Variants in MIB1 observed in about 807,000 individuals in gnomAD.
MIB1 encodes the protein E3 ubiquitin-protein ligase MIB1.
In MIB1, 278 loss-of-function variants were observed where a neutral mutation model predicts 124.5. The ratio of observed to expected loss-of-function variants is 2.23; its 90% CI spans 2.02 to 2.47. The LOEUF is 2.47. Ranked by LOEUF, MIB1 falls within the 30% of genes most tolerant of loss-of-function variation. The pLI, the probability that MIB1 is intolerant of heterozygous loss-of-function variation, is 0.00. For synonymous variants in MIB1, 446 were observed against 429.4 expected (o/e 1.04, Z -0.48); for missense variants, 957 against 1,254.4 (o/e 0.76, Z 3.58).
intron 10 of MIB1, chr18:21,812,251 A>C (rs1334746427): frequency 1.3e-5 from 2 of 152,144 alleles, no homozygotes; most frequent in Non-Finnish European, 2.9e-5. Context: ...ATAAGTTGAT[A>C]AGTTGGAGCC....
chr18:21,865,906 A>AAAAACAAACAAAC lies in MIB1; in HGVS notation c.*1252_*1253insCAAAACAAACAAA, dbSNP rs1426158013. 4.6e-3 allele frequency: 1 copy of AAAAACAAACAAAC among 216 alleles called. No individual in the cohort carries two copies. Among genetic ancestry groups the AAAAACAAACAAAC allele is most frequent in the African/African-American group, 6.5e-3 (1 of 154 alleles). The allele number at this position is 216 out of a possible 1,614,324, so 0.0% of individuals were successfully genotyped here. A position where few individuals can be genotyped will look rare whatever the true frequency, so the allele number is the denominator to read the frequency against. On this transcript the variant is annotated 3_prime_UTR_variant, in exon 21 of 21. Transcript: ENST00000261537. The stretch of plus-strand genomic sequence containing the variant: ...AAATGTCTGCTTACCTGTAGACTTT[A>AAAAACAAACAAAC]AAAACAAACAAAATTTTTGGAGCAT...
intron 1 of MIB1, among the ~76,000 whole-genome samples, chr18:21,764,482 T>A (rs2041133109): frequency 1.3e-5 from 2 of 152,212 alleles, no homozygotes; most frequent in Non-Finnish European, 2.9e-5. Flanking sequence ...ATATGTAGCA[T>A]GTTACTTGAT....
At chr18:21,725,586 C>G (rs2040737955) in intron 1 of MIB1, among the ~76,000 whole-genome samples, 1 of 152,216 alleles carries the variant, frequency 6.6e-6, no homozygotes, top group South Asian at 2.1e-4. Context: ...TTACCTTCCT[C>G]TAAGGTAACT....
Position 21,864,623 on chromosome 18 carries a change from C to T in MIB1, c.2978C>T (p.Pro993Leu). 1.2e-6 allele frequency: 2 copies of T among 1,613,798 alleles called. No homozygotes were observed. The highest frequency in any genetic ancestry group is 1.7e-6 in the Non-Finnish European group (2 of 1,179,750). The change falls in exon 21 of 21, where the codon CCT becomes CTT. Residue 993 changes from proline to leucine, a missense_variant. Physicochemically the swap from Pro to Leu is moderately conservative, Grantham distance 98 (BLOSUM62 -3). Coordinates refer to ENST00000261537, the MANE Select transcript of MIB1 (RefSeq NM_020774.4). ...TGTGGAGACCGCATGAGTGAATGTC[C>T]TATCTGTCGCAAGGCTATTGAACGA... ...QLCGDRMSEC[P>L]ICRKAIERRI... is the part of the protein sequence containing the mutation.
rs747233793 is a variant in MIB1 at position 21,838,468 on chromosome 18, G to A, written c.1933G>A (p.Val645Ile). 9.9e-6 allele frequency: 16 copies of A among 1,608,686 alleles called. 1 individual carries two copies. The highest frequency in any genetic ancestry group is 1.6e-4 in the Middle Eastern group (1 of 6,068). The stretch of plus-strand genomic sequence containing the variant: ...ACATCTGGCTGCCCTTAATAATCAC[G>A]TAGAAGTGGCTGAACTGTTGGTACA... ...ALHLAALNNH[V>I]EVAELLVHQG... Residue 645 changes from valine to isoleucine, a missense_variant, in exon 13 of 21, where the codon GTA becomes ATA. Coordinates refer to ENST00000261537, the MANE Select transcript of MIB1 (RefSeq NM_020774.4).
At position 21,859,886 on chromosome 18, in the gene MIB1, CAAA is replaced by C. The variant is rs934260189; in HGVS notation, c.2880+1263_2880+1265del. The stretch of plus-strand genomic sequence containing the variant: ...CCTGGGCGACAGAGTGAGACTGTCT[CAAA>C]AAAAAAAAAAAAAAAAAAAAAAGGA... On this transcript the variant is annotated intron_variant, in intron 20 of 20. Transcript: ENST00000261537. 4.2e-4 allele frequency among the ~76,000 whole-genome samples: 12 copies of C among 28,404 alleles called. No homozygotes were observed. In the East Asian group the frequency reaches 0.013, roughly 31 times the overall value. The allele number at this position is 28,404 out of a possible 152,430, so 18.6% of individuals were successfully genotyped here.
At chr18:21,770,231 G>C (rs1438888619) in intron 3 of MIB1, among the ~76,000 whole-genome samples, 1 of 152,086 alleles carries the variant, frequency 6.6e-6, no homozygotes, top group Non-Finnish European at 1.5e-5. Flanking sequence ...AGAACAAAAT[G>C]AAGAAAAAGA....
At chr18:21,759,205 A>T (rs1309897916) in intron 1 of MIB1, among the ~76,000 whole-genome samples, 1 of 151,156 alleles carries the variant, frequency 6.6e-6, no homozygotes, top group Non-Finnish European at 1.5e-5. Flanking sequence ...TTTGTATTCT[A>T]TACATATGTG....
chr18:21,862,930 A>G (rs1024593053), intron 20 of MIB1, among the ~76,000 whole-genome samples: 5 of 152,224 alleles, frequency 3.3e-5, no homozygotes, highest in Non-Finnish European at 7.3e-5. Flanking sequence ...GTTAGACTGA[A>G]TGGAGCTATT....
Position 21,799,928 on chromosome 18 carries a change from G to GA in MIB1, c.1326dup (p.Asp443ArgfsTer4). 6.2e-7 allele frequency: 1 copy of GA among 1,612,350 alleles called. No homozygotes were observed. The highest frequency in any genetic ancestry group is 8.5e-7 in the Non-Finnish European group (1 of 1,178,804). On this transcript the variant is annotated frameshift_variant, in exon 9 of 21. Transcript: ENST00000261537. LOFTEE classifies it high-confidence loss of function. ...GAATTAGTTAAGGCTGCTGCCAATG[G>GA]AGATGTTGCTAAAGTGGAAGATTTG...
chr18:21,709,042 C>T (rs1285243769), intron 1 of MIB1, among the ~76,000 whole-genome samples: 8 of 152,074 alleles, frequency 5.3e-5, no homozygotes, highest in Admixed American at 2.6e-4. Context: ...CGAGGCCGGG[C>T]GCGGTGGCTC....
Position 21,858,552 on chromosome 18 carries a change from G to A in MIB1, c.2786G>A (p.Gly929Glu), listed in dbSNP as rs774472802. The A allele has an allele frequency of 6.7e-7, 1 of 1,485,064 alleles. No individual in the cohort carries two copies. Among genetic ancestry groups the A allele is most frequent in the South Asian group, 1.2e-5 (1 of 85,210 alleles). 92.0% of individuals were successfully genotyped at this position (1,485,064 alleles called of 1,614,324 possible). A position where few individuals can be genotyped will look rare whatever the true frequency, so the allele number is the denominator to read the frequency against. ...SEDATDDISS[G>E]NIPVLQKDKD... ...TTTTAAATCTATATTATAGCAAGTG[G>A]GAATATTCCAGTATTACAAAAGGAC... The change falls in exon 20 of 21, where the codon GGG becomes GAG. Residue 929 changes from glycine to glutamate, a missense_variant. By Grantham distance (98) the Gly-to-Glu change is moderately conservative (BLOSUM62 -2). Transcript: ENST00000261537.
chr18:21,836,049 G>T (rs1041295126), intron 12 of MIB1, among the ~76,000 whole-genome samples: 1 of 151,334 alleles, frequency 6.6e-6, no homozygotes, highest in Non-Finnish European at 1.5e-5. Flanking sequence ...AGGAGTTCAA[G>T]ACCAGCCTGG....
At chr18:21,851,569 A>C (rs2042180421) in intron 17 of MIB1, among the ~76,000 whole-genome samples, 1 of 152,222 alleles carries the variant, frequency 6.6e-6, no homozygotes, top group African/African-American at 2.4e-5. Context: ...GAAGAAAAAC[A>C]AATTACAGTA....
At chr18:21,813,787 C>T (rs2041800373) in intron 10 of MIB1, among the ~76,000 whole-genome samples, 1 of 152,072 alleles carries the variant, frequency 6.6e-6, no homozygotes, top group Non-Finnish European at 1.5e-5. Flanking sequence ...TTGTCAGACC[C>T]CTTGCAAAAC....
intron 6 of MIB1, among the ~76,000 whole-genome samples, chr18:21,782,715 G>T (rs1056159923): frequency 2.0e-5 from 3 of 152,062 alleles, no homozygotes; most frequent in Non-Finnish European, 4.4e-5. Flanking sequence ...AATGTTCCTC[G>T]TGCTGATGAG....
rs190177017 is a variant in MIB1, at chr18:21,775,225, G to A, written c.636+1497G>A. ...CTCCCAAAGTGCTGGGATTACAGGCGCGAGCCACCACGCCTGGCCTTATTT... is the reference window on the plus strand; with the variant it reads ...CTCCCAAAGTGCTGGGATTACAGGCACGAGCCACCACGCCTGGCCTTATTT... On this transcript the variant is annotated intron_variant, in intron 4 of 20. Transcript: ENST00000261537. Among the ~76,000 whole-genome samples the A allele has an allele frequency of 2.1e-3, 322 of 151,986 alleles. 3 individuals carry two copies. The highest frequency in any genetic ancestry group is 7.5e-3 in the African/African-American group (312 of 41,422).
intron 1 of MIB1, among the ~76,000 whole-genome samples, chr18:21,719,407 T>C (rs2040704129): frequency 6.6e-6 from 1 of 152,104 alleles, no homozygotes; most frequent in Non-Finnish European, 1.5e-5. Context: ...GATACTGGCC[T>C]CAATAGATGG....
Position 21,791,358 on chromosome 18 carries a change from A to C in MIB1, c.909-16A>C, listed in dbSNP as rs1294717943. 9.5e-6 allele frequency: 15 copies of C among 1,583,234 alleles called. No individual in the cohort carries two copies. The highest frequency in any genetic ancestry group is 1.3e-5 in the Non-Finnish European group (15 of 1,164,300). On this transcript the variant is annotated splice_polypyrimidine_tract_variant and intron_variant, in intron 6 of 20. Coordinates refer to ENST00000261537, the MANE Select transcript of MIB1 (RefSeq NM_020774.4). ...AGCAAAGCTACCCATTTTGAGGTTT[A>C]GCTTTGCTCTTGTAGGTGGACCTTC...
Sources: allele counts gnomAD v4.1 joint callset (sites outside exome capture counted in the v4.1 genomes callset), GRCh38; gene constraint gnomAD v4.1.1; transcripts MANE v1.5; gene names NCBI Gene and HGNC (gene_info 2026-07-23, HGNC 2026-07-21).